Variants in CAB39L observed in about 807,000 individuals in gnomAD.
CAB39L encodes calcium-binding protein 39-like.
In CAB39L, 23 loss-of-function variants were observed where a neutral mutation model predicts 39.1. The observed-to-expected ratio is 0.59, with a 90% CI of 0.42 to 0.83. The LOEUF is 0.83. Ranked by LOEUF, CAB39L falls within the 40% of genes least tolerant of loss-of-function variation. The probability of loss-of-function intolerance (pLI) is 0.00; values close to 1 mark genes in which losing one functional copy is unlikely to be tolerated. For missense variants in CAB39L, 366 were observed against 391.9 expected, an observed-to-expected ratio of 0.93 and a Z score of 0.56; for synonymous variants, 126 against 137.2, an observed-to-expected ratio of 0.92 and a Z score of 0.57.
chr13:49,390,622 A>T (rs1463895854), intron 3 of CAB39L, among the ~76,000 whole-genome samples: 3 of 152,224 alleles, frequency 2.0e-5, no homozygotes, highest in Non-Finnish European at 2.9e-5. Context: ...ACCAAAAGAT[A>T]TACTATGCTA....
chr13:49,400,443 A>AAC (rs60080189), intron 3 of CAB39L, among the ~76,000 whole-genome samples: 8,075 of 138,526 alleles, frequency 0.058, 376 homozygotes, highest in South Asian at 0.17. Context: ...TACAAACACA[A>AAC]ACACACACAC....
intron 5 of CAB39L, among the ~76,000 whole-genome samples, chr13:49,360,683 G>T (rs553372704): frequency 1.3e-5 from 2 of 152,280 alleles, no homozygotes; most frequent in South Asian, 2.1e-4. Flanking sequence ...TATGTGTGGA[G>T]GGCAGGACCT....
chr13:49,382,731 G>A, intron 4 of CAB39L, 69 bp downstream of exon 4: 1 of 932,666 alleles, frequency 1.1e-6, no homozygotes, highest in Non-Finnish European at 1.7e-6. Flanking sequence ...TCTTCATTAA[G>A]CTTTTACATT....
intron 3 of CAB39L, among the ~76,000 whole-genome samples, chr13:49,396,305 T>C (rs1956624822): frequency 6.6e-6 from 1 of 152,158 alleles, no homozygotes; most frequent in Non-Finnish European, 1.5e-5. Flanking sequence ...AACAATGAGT[T>C]AGACAGGAAC....
At chr13:49,436,353 A>G (rs1178278486) in intron 1 of CAB39L, among the ~76,000 whole-genome samples, 1 of 152,156 alleles carries the variant, frequency 6.6e-6, no homozygotes, top group Non-Finnish European at 1.5e-5. Context: ...CTTAACTATT[A>G]GCTTTGCTAT....
intron 7 of CAB39L, among the ~76,000 whole-genome samples, chr13:49,345,217 A>G (rs916861216): frequency 6.6e-6 from 1 of 152,248 alleles, no homozygotes; most frequent in Non-Finnish European, 1.5e-5. Flanking sequence ...TCCTAAAAGC[A>G]TATAGAAGGT....
chr13:49,432,845 T>C (rs1049172703), intron 3 of CAB39L, among the ~76,000 whole-genome samples: 7 of 152,192 alleles, frequency 4.6e-5, no homozygotes, highest in Non-Finnish European at 1.0e-4. Context: ...GAACTGAATA[T>C]CTTTGCAAGA....
intron 10 of CAB39L, among the ~76,000 whole-genome samples, chr13:49,319,924 A>C (rs1954297486): frequency 6.6e-6 from 1 of 152,220 alleles, no homozygotes; most frequent in African/African-American, 2.4e-5. Flanking sequence ...AAATAAATGT[A>C]AAATGTACTG....
chr13:49,358,101 T>C (rs983008317), intron 6 of CAB39L, among the ~76,000 whole-genome samples: 1 of 152,226 alleles, frequency 6.6e-6, no homozygotes, highest in Non-Finnish European at 1.5e-5. Flanking sequence ...AATATACTTA[T>C]CTTGTTGTGG....
Position 49,375,663 on chromosome 13 carries a change from G to A in CAB39L, c.276+1304C>T, listed in dbSNP as rs928062874. 7.9e-5 allele frequency among the ~76,000 whole-genome samples: 12 copies of A among 152,110 alleles called. 1 individual carries two copies. In the East Asian group the frequency reaches 2.3e-3, roughly 29 times the overall value. ...GCCTGTTGTGGGGTCGGGGGAGCGG[G>A]GAGGGATAGCATAAGGAGATATACC... is the stretch of plus-strand genomic sequence containing the variant. On this transcript the variant is annotated intron_variant, in intron 5 of 10. Coordinates refer to ENST00000409308, the MANE Select transcript of CAB39L (RefSeq NM_001079670.3).
At chr13:49,351,712 CT>C (rs1955363389) in intron 6 of CAB39L, among the ~76,000 whole-genome samples, 1 of 152,134 alleles carries the variant, frequency 6.6e-6, no homozygotes, top group African/African-American at 2.4e-5. Flanking sequence ...GGAACGGGGG[CT>C]TGGCCTGGGG....
chr13:49,337,891 C>A (rs549320255), intron 9 of CAB39L, among the ~76,000 whole-genome samples: 1 of 152,224 alleles, frequency 6.6e-6, no homozygotes, highest in South Asian at 2.1e-4. Context: ...TGTTTTCCAA[C>A]AACAGAATGT....
intron 5 of CAB39L, among the ~76,000 whole-genome samples, chr13:49,369,329 A>G (rs6561521): frequency 0.017 from 2,575 of 152,290 alleles, 75 homozygotes; most frequent in African/African-American, 0.059. Context: ...ACAAGTGGGG[A>G]ATGGATAAAT....
intron 10 of CAB39L, among the ~76,000 whole-genome samples, chr13:49,322,355 T>C (rs766282230): frequency 3.9e-5 from 6 of 152,240 alleles, no homozygotes; most frequent in South Asian, 2.1e-4. Context: ...CAAAATTGGA[T>C]TGGGTTTTGA....
intron 10 of CAB39L, among the ~76,000 whole-genome samples, chr13:49,311,383 A>G (rs1369934895): frequency 6.6e-6 from 1 of 152,234 alleles, no homozygotes; most frequent in African/African-American, 2.4e-5. Context: ...ATAATACTTG[A>G]TAATCAACGA....
rs899380251 is a variant in CAB39L at position 49,380,297 on chromosome 13, C to G, written c.111+2503G>C. Reference sequence around the variant, plus strand: ...AAGGTTTTTCAACAAATCCCTATTCCTCTGATTTTCGAATGGTCCAAGTAT... The same window carrying G: ...AAGGTTTTTCAACAAATCCCTATTCGTCTGATTTTCGAATGGTCCAAGTAT... On this transcript the variant is annotated intron_variant, in intron 4 of 10. Transcript: ENST00000409308. Among the ~76,000 whole-genome samples the G allele has an allele frequency of 2.6e-5, 4 of 152,254 alleles. No individual in the cohort carries two copies. In the South Asian group the frequency reaches 6.2e-4, roughly 24 times the overall value.
In CAB39L at chr13:49,350,925, CAA is replaced by C; in HGVS notation, c.396-15_396-14del. ...TGGGGCTTCATATCTAAAGCGTAAA[CAA>C]GAGAGAAATAGAGAACTCTGTTATC... On this transcript the variant is annotated splice_polypyrimidine_tract_variant and intron_variant, in intron 6 of 10. Transcript: ENST00000409308. The C allele has an allele frequency of 6.4e-7, 1 of 1,554,178 alleles. No individual in the cohort carries two copies. Among genetic ancestry groups the C allele is most frequent in the Non-Finnish European group, 8.7e-7 (1 of 1,150,884 alleles).
chr13:49,361,246 A>G (rs1955620655), intron 5 of CAB39L, among the ~76,000 whole-genome samples: 1 of 152,066 alleles, frequency 6.6e-6, no homozygotes, highest in African/African-American at 2.4e-5. Context: ...TTGGGAGGCC[A>G]AGTGGGGCAG....
intron 3 of CAB39L, among the ~76,000 whole-genome samples, chr13:49,389,568 G>A (rs546529914): frequency 6.6e-6 from 1 of 152,102 alleles, no homozygotes; most frequent in Non-Finnish European, 1.5e-5. Context: ...TTGAACCCAG[G>A]GGGCAGAGGT....
Sources: allele counts gnomAD v4.1 joint callset (sites outside exome capture counted in the v4.1 genomes callset), GRCh38; gene constraint gnomAD v4.1.1; transcripts MANE v1.5; gene names NCBI Gene and HGNC (gene_info 2026-07-23, HGNC 2026-07-21).